The following SIM1 variants were observed in gnomAD, a reference collection of about 807,000 sequenced individuals.
SIM1 encodes single-minded homolog 1.
A neutral mutation model predicts 78.2 loss-of-function variants in SIM1; 18 were observed. That is an observed-to-expected ratio of 0.23 (90% CI 0.16 to 0.34). The LOEUF (loss-of-function observed/expected upper bound fraction) is 0.34. SIM1 is among the 10% of genes least tolerant of loss of function. The pLI, the probability that SIM1 is intolerant of heterozygous loss-of-function variation, is 1.00. For synonymous variants in SIM1, 417 were observed against 385.2 expected, an observed-to-expected ratio of 1.08 and a Z score of -0.97; for missense variants, 939 against 975.1, an observed-to-expected ratio of 0.96 and a Z score of 0.49.
chr6:100,424,577 A>T (rs2114509298), intron 9 of SIM1, among the ~76,000 whole-genome samples: 1 of 151,730 alleles, frequency 6.6e-6, no homozygotes, highest in Non-Finnish European at 1.5e-5. Flanking sequence ...CTGGGACTAC[A>T]GGCATGCACC....
intron 10 of SIM1, chr6:100,396,140 C>T: frequency 2.1e-6 from 2 of 935,206 alleles, no homozygotes; most frequent in Non-Finnish European, 2.5e-6. Context: ...TCACTTTCAC[C>T]AAAGCAGGGC....
intron 10 of SIM1, among the ~76,000 whole-genome samples, chr6:100,403,957 T>C (rs1292984583): frequency 6.6e-6 from 1 of 152,198 alleles, no homozygotes; most frequent in Non-Finnish European, 1.5e-5. Context: ...ATTCCAGAAC[T>C]CTTACTCTTT....
chr6:100,402,704 A>C (rs1315662679), intron 10 of SIM1, among the ~76,000 whole-genome samples: 1 of 150,402 alleles, frequency 6.6e-6, no homozygotes, highest in Non-Finnish European at 1.5e-5. Flanking sequence ...CAGCCTCGCG[A>C]GTAGCTGGGA....
intron 9 of SIM1, among the ~76,000 whole-genome samples, chr6:100,431,254 A>G (rs1771892909): frequency 6.6e-6 from 1 of 152,208 alleles, no homozygotes; most frequent in African/African-American, 2.4e-5. Context: ...CCTCTTCTAG[A>G]TAGTTAATCA....
intron 10 of SIM1, among the ~76,000 whole-genome samples, chr6:100,403,170 A>G (rs935245854): frequency 2.0e-5 from 3 of 152,220 alleles, no homozygotes; most frequent in Admixed American, 6.5e-5. Flanking sequence ...TCATTTTGCA[A>G]ATTAAAATAT....
At chr6:100,421,785 T>G (rs1347036271) in intron 9 of SIM1, among the ~76,000 whole-genome samples, 1 of 152,022 alleles carries the variant, frequency 6.6e-6, no homozygotes, top group Non-Finnish European at 1.5e-5. Flanking sequence ...CAGCAGCGAG[T>G]CTCATCGGAC....
At chr6:100,424,257 T>C (rs1009780409) in intron 9 of SIM1, among the ~76,000 whole-genome samples, 3 of 152,054 alleles carry the variant, frequency 2.0e-5, no homozygotes, top group Non-Finnish European at 4.4e-5. Context: ...CAAATACTCT[T>C]AATACAAATA....
Position 100,453,827 on chromosome 6 carries a change from C to T in SIM1, c.193G>A (p.Gly65Ser). ...AGGGGGCTGGTCCGACTTGAGTGGC[C>T]CCACGCCTCGCCGAGCCCTGTGGAG... ...VFPEGLGEAWGHSSRTSPLDN... is the reference protein window; with the variant it reads ...VFPEGLGEAWSHSSRTSPLDN... The change falls in exon 3 of 12, where the codon GGC (glycine) becomes AGC (serine). Residue 65 changes from glycine (G) to serine (S), a missense_variant. By Grantham distance (56) the Gly-to-Ser change is moderately conservative. Around this residue, in one of 5 missense-constraint regions of SIM1, gnomAD observed 121 missense variants for 124.6 expected, o/e 0.97. Coordinates refer to ENST00000369208, the MANE Select transcript of SIM1 (RefSeq NM_005068.3). The T allele has an allele frequency of 6.2e-7, 1 of 1,611,952 alleles. No homozygotes were observed. Among genetic ancestry groups the T allele is most frequent in the Non-Finnish European group, 8.5e-7 (1 of 1,179,074 alleles).
Position 100,464,778 on chromosome 6 carries a change from T to C in SIM1, c.-632A>G, listed in dbSNP as rs1027259657. The C allele has an allele frequency of 1.3e-5, 2 of 151,708 alleles. No homozygotes were observed. The highest frequency in any genetic ancestry group is 4.9e-5 in the African/African-American group (2 of 41,188). The allele number at this position is 151,708 out of a possible 1,614,324, so 9.4% of individuals were successfully genotyped here. On this transcript the variant is annotated 5_prime_UTR_variant, in exon 1 of 12. Transcript: ENST00000369208. ...TCTGGATCATGAATTGGAGGAGGGG[T>C]GCGTGGCAGAAAGAGGAGGATGCAA...
Position 100,423,184 on chromosome 6 carries a change from T to A in SIM1, c.999-2226A>T, listed in dbSNP as rs142048326. On this transcript the variant is annotated intron_variant, in intron 9 of 11. Transcript: ENST00000369208. ...ATATCCTCCAAAATGTGGCTCCCAC[T>A]TATTTTTCTGACAATATTTCAAAAT... is the stretch of plus-strand genomic sequence containing the variant. Among the ~76,000 whole-genome samples, 1,415 of 152,328 alleles carry A rather than the reference T, an allele frequency of 9.3e-3. 23 individuals are homozygous for A. Among genetic ancestry groups the A allele is most frequent in the African/African-American group, 0.03 (1,263 of 41,568 alleles).
rs1270283839 is a variant in SIM1 at position 100,387,146 on chromosome 6, C to T, written c.*3215G>A. On this transcript the variant is annotated 3_prime_UTR_variant, in exon 12 of 12. Transcript: ENST00000369208. The stretch of plus-strand genomic sequence containing the variant: ...TACAAAACCATGAGCTATGTATCAT[C>T]TAATGAATTGATACATATTATACCA... 3.3e-5 allele frequency: 5 copies of T among 152,022 alleles called. No homozygotes were observed. Among genetic ancestry groups the T allele is most frequent in the Non-Finnish European group, 1.5e-5 (1 of 67,926 alleles). The allele number at this position is 152,022 out of a possible 1,614,324, so 9.4% of individuals were successfully genotyped here.
At chr6:100,400,310 T>C (rs897512559) in intron 10 of SIM1, among the ~76,000 whole-genome samples, 1 of 151,972 alleles carries the variant, frequency 6.6e-6, no homozygotes, top group African/African-American at 2.4e-5. Flanking sequence ...AGAAGAAAGC[T>C]TCTTGATGTA....
chr6:100,412,464 G>A (rs1340715844), intron 10 of SIM1, among the ~76,000 whole-genome samples: 5 of 150,960 alleles, frequency 3.3e-5, no homozygotes, highest in African/African-American at 4.9e-5. Context: ...TTGAACCCAG[G>A]AGGCAGAGTT....
At chr6:100,450,835 A>G (rs984112799) in intron 3 of SIM1, among the ~76,000 whole-genome samples, 23 of 152,142 alleles carry the variant, frequency 1.5e-4, no homozygotes, top group African/African-American at 5.1e-4. Context: ...CAATTTTGGA[A>G]GGGCTGGCAG....
chr6:100,402,819 A>T (rs923861503), intron 10 of SIM1, among the ~76,000 whole-genome samples: 1 of 151,188 alleles, frequency 6.6e-6, no homozygotes, highest in Non-Finnish European at 1.5e-5. Flanking sequence ...CTCGTGATCC[A>T]CCCGCCTCGG....
chr6:100,440,266 G>A (rs1772174097), intron 9 of SIM1, among the ~76,000 whole-genome samples: 1 of 152,178 alleles, frequency 6.6e-6, no homozygotes, highest in Admixed American at 6.5e-5. Flanking sequence ...CAAAGGGGTA[G>A]AGTGATCTGC....
intron 11 of SIM1, among the ~76,000 whole-genome samples, chr6:100,392,885 T>G (rs1391332004): frequency 6.6e-6 from 1 of 152,250 alleles, no homozygotes; most frequent in East Asian, 1.9e-4. Context: ...TTCGACGTGT[T>G]TATAAAGCCA....
At chr6:100,421,024 T>A (rs1771565842) in intron 9 of SIM1, 66 bp from the exon 10 acceptor site, 2 of 1,498,112 alleles carry the variant, frequency 1.3e-6, no homozygotes, top group South Asian at 1.3e-5. Context: ...CATACTCTCA[T>A]CAGGAATGAT....
chr6:100,464,490 G>A (rs535620101), intron 1 of SIM1, 124 bp downstream of exon 1: 1 of 152,320 alleles, frequency 6.6e-6, no homozygotes, highest in African/African-American at 2.4e-5. Flanking sequence ...AGGTTAACAG[G>A]TGGCGCGCTC....
Sources: allele counts gnomAD v4.1 joint callset (sites outside exome capture counted in the v4.1 genomes callset), GRCh38; gene constraint gnomAD v4.1.1; regional missense constraint gnomAD v4.1.1; transcripts MANE v1.5; gene names NCBI Gene and HGNC (gene_info 2026-07-23, HGNC 2026-07-21).